Variants in MACROD2 observed in about 807,000 individuals in gnomAD.
MACROD2 encodes the protein ADP-ribose glycohydrolase MACROD2.
A neutral mutation model predicts 70.4 loss-of-function variants in MACROD2; 36 were observed. The ratio of observed to expected loss-of-function variants is 0.51; its 90% CI spans 0.39 to 0.68. MACROD2 has a LOEUF of 0.68. Ranked by LOEUF, MACROD2 falls within the 30% of genes least tolerant of loss-of-function variation. The pLI is 0.00. For synonymous variants in MACROD2, 172 were observed against 178.8 expected, an observed-to-expected ratio of 0.96 and a Z score of 0.30; for missense variants, 496 against 538.4, an observed-to-expected ratio of 0.92 and a Z score of 0.78.
intron 7 of MACROD2, among the ~76,000 whole-genome samples, chr20:15,441,006 C>T (rs2046488190): frequency 1.3e-5 from 2 of 152,122 alleles, no homozygotes; most frequent in East Asian, 1.9e-4. Flanking sequence ...ACTTACTTCC[C>T]TTGGGAAAAT....
At chr20:15,415,762 TC>T (rs966143528) in intron 6 of MACROD2, among the ~76,000 whole-genome samples, 13 of 152,226 alleles carry the variant, frequency 8.5e-5, no homozygotes, top group African/African-American at 2.9e-4. Context: ...TTCCATCTTT[TC>T]TTCCATCCAT....
chr20:15,802,701 G>A (rs2876413), intron 8 of MACROD2, among the ~76,000 whole-genome samples: 72,403 of 151,826 alleles, frequency 0.48, 18,265 homozygotes, highest in African/African-American at 0.65. Flanking sequence ...TGACTGAAAA[G>A]CAATACATTG....
chr20:14,629,521 T>C (rs1984382575), intron 4 of MACROD2, among the ~76,000 whole-genome samples: 1 of 152,204 alleles, frequency 6.6e-6, no homozygotes, highest in South Asian at 2.1e-4. Flanking sequence ...GGATGTTAAA[T>C]GCTTTTAAAA....
chr20:14,963,993 G>T (rs1423879494), intron 5 of MACROD2, among the ~76,000 whole-genome samples: 2 of 152,086 alleles, frequency 1.3e-5, no homozygotes, highest in Admixed American at 6.5e-5. Context: ...GGTAGAGGGA[G>T]TTTATTGTTT....
chr20:14,307,811 T>C (rs2082533426), intron 3 of MACROD2, among the ~76,000 whole-genome samples: 2 of 152,168 alleles, frequency 1.3e-5, no homozygotes, highest in African/African-American at 4.8e-5. Context: ...CCTCCTTTTC[T>C]AGATTTTTCT....
At chr20:14,556,546 G>C (rs1031572172) in intron 4 of MACROD2, among the ~76,000 whole-genome samples, 1 of 152,018 alleles carries the variant, frequency 6.6e-6, no homozygotes, top group Non-Finnish European at 1.5e-5. Context: ...ATTTTTGGCA[G>C]TATCTGCCAA....
chr20:15,943,879 T>C (rs549494947), intron 12 of MACROD2, among the ~76,000 whole-genome samples: 1 of 152,222 alleles, frequency 6.6e-6, no homozygotes, highest in South Asian at 2.1e-4. Flanking sequence ...AAATATACAA[T>C]AAAAGCATAT....
chr20:15,136,029 G>A (rs1268944472), intron 5 of MACROD2, among the ~76,000 whole-genome samples: 2 of 148,834 alleles, frequency 1.3e-5, no homozygotes, highest in Non-Finnish European at 3.0e-5. Flanking sequence ...TCTTCAAGGA[G>A]AACTACCAAC....
At chr20:14,155,490 CT>C (rs1458149716) in intron 3 of MACROD2, among the ~76,000 whole-genome samples, 1 of 152,140 alleles carries the variant, frequency 6.6e-6, no homozygotes, top group Non-Finnish European at 1.5e-5. Context: ...TCAAAACTTA[CT>C]TTTTTGCCTT....
intron 3 of MACROD2, among the ~76,000 whole-genome samples, chr20:14,436,084 C>T (rs936596066): frequency 6.6e-6 from 1 of 152,014 alleles, no homozygotes; most frequent in African/African-American, 2.4e-5. Flanking sequence ...CAATACAAAG[C>T]AATCTTTTCC....
intron 6 of MACROD2, among the ~76,000 whole-genome samples, chr20:15,315,460 T>G (rs2077799791): frequency 6.6e-6 from 1 of 152,186 alleles, no homozygotes; most frequent in East Asian, 1.9e-4. Flanking sequence ...GAGCAGTGAC[T>G]TGTGTCCAAG....
chr20:14,016,556 A>G (rs1392399335), intron 2 of MACROD2, among the ~76,000 whole-genome samples: 1 of 151,836 alleles, frequency 6.6e-6, no homozygotes, highest in South Asian at 2.1e-4. Flanking sequence ...TTGGTCTTTG[A>G]TCCATTTTGT....
chr20:16,009,510 A>T (rs1444115138), intron 15 of MACROD2, among the ~76,000 whole-genome samples: 1 of 152,166 alleles, frequency 6.6e-6, no homozygotes, highest in Non-Finnish European at 1.5e-5. Context: ...TAATCCCAGC[A>T]CTTCGGGAGG....
intron 5 of MACROD2, among the ~76,000 whole-genome samples, chr20:14,973,225 C>CTTTTTTTTTTTTTTTTTTTTTTT (rs1223038135): frequency 1.2e-5 from 1 of 85,714 alleles, no homozygotes; most frequent in African/African-American, 4.5e-5. Context: ...TGAGTAGTTG[C>CTTTTTTTTTTTTTTTTTTTTTTT]TTTTTTTTTT....
At chr20:14,013,327 C>T (rs2052940526) in intron 2 of MACROD2, among the ~76,000 whole-genome samples, 1 of 146,590 alleles carries the variant, frequency 6.8e-6, no homozygotes, top group African/African-American at 2.5e-5. Context: ...GGCTGGAGTG[C>T]AGTGGTGCCA....
intron 3 of MACROD2, among the ~76,000 whole-genome samples, chr20:14,132,129 CAAAAAA>C (rs34790385): frequency 1.0e-5 from 1 of 96,620 alleles, no homozygotes; most frequent in South Asian, 4.0e-4. Flanking sequence ...AGACTCTATC[CAAAAAA>C]AAAAAAAAAA....
intron 3 of MACROD2, among the ~76,000 whole-genome samples, chr20:14,439,081 A>G (rs936894932): frequency 1.3e-5 from 2 of 152,116 alleles, no homozygotes; most frequent in South Asian, 2.1e-4. Context: ...ATTTTTGTAC[A>G]TGATGTAAGA....
intron 3 of MACROD2, among the ~76,000 whole-genome samples, chr20:14,445,860 T>C (rs1392340207): frequency 1.3e-5 from 2 of 152,160 alleles, no homozygotes; most frequent in Non-Finnish European, 2.9e-5. Flanking sequence ...GCACATCTAG[T>C]TCCAACAGTC....
chr20:15,356,572 C>G lies in MACROD2; in HGVS notation c.541-74833C>G, dbSNP rs1057494387. 2.7e-5 allele frequency among the ~76,000 whole-genome samples: 4 copies of G among 150,804 alleles called. No homozygotes were observed. The Admixed American group carries it at 2.7e-4, about 10-fold the overall frequency. On this transcript the variant is annotated intron_variant, in intron 6 of 17. Transcript: ENST00000684519. ...CTGAGGTGGGCAGATCACTTGAGGT[C>G]AGGAGTTTTGAGACCAGCCTGACCA...
Sources: allele counts gnomAD v4.1 joint callset (sites outside exome capture counted in the v4.1 genomes callset), GRCh38; gene constraint gnomAD v4.1.1; transcripts MANE v1.5; gene names NCBI Gene and HGNC (gene_info 2026-07-23, HGNC 2026-07-21).